Variants in CSTL1 observed in about 807,000 individuals in gnomAD.
CSTL1 encodes the protein cystatin-like 1.
CSTL1 carries 14 observed loss-of-function variants against 14.4 expected under a neutral mutation model. That is an observed-to-expected ratio of 0.97 (90% CI 0.64 to 1.52). The LOEUF (loss-of-function observed/expected upper bound fraction) is 1.52, where lower values mean the gene tolerates loss of function less well. CSTL1 is among the 40% of genes most tolerant of loss of function. The pLI is 0.00. For missense variants in CSTL1, 170 were observed against 168.7 expected (o/e 1.01, Z -0.04); for synonymous variants, 72 against 67.5 (o/e 1.07, Z -0.33).
At chr20:23,442,011 T>C (rs967717603) in intron 2 of CSTL1, among the ~76,000 whole-genome samples, 2 of 152,258 alleles carry the variant, frequency 1.3e-5, no homozygotes, top group East Asian at 1.9e-4. Context: ...TACCACAAGA[T>C]GGCGATGTTG....
chr20:23,449,012 G>A (rs1987020078), downstream of CSTL1, among the ~76,000 whole-genome samples: 1 of 152,184 alleles, frequency 6.6e-6, no homozygotes, highest in Admixed American at 6.5e-5. Context: ...CTGAAACAGG[G>A]TTCTGGGCAT....
rs370062495 is a variant in CSTL1 at position 23,444,911 on chromosome 20, T to C, written c.*33T>C. ...TATGATTGAGTTGTGCACTGGCTGT[T>C]ATTAAACTGTAAAGGATCATGTCTC... On this transcript the variant is annotated 3_prime_UTR_variant, in exon 4 of 4. Transcript: ENST00000347397. 45 of 1,383,758 alleles carry C rather than the reference T, an allele frequency of 3.3e-5. No homozygotes were observed. In the African/African-American group the frequency reaches 6.1e-4, roughly 19 times the overall value. The allele number at this position is 1,383,758 out of a possible 1,614,324, so 85.7% of individuals were successfully genotyped here. A position where few individuals can be genotyped will look rare whatever the true frequency, so the allele number is the denominator to read the frequency against.
the CSTL1 span, chr20:23,450,627 C>A: frequency 6.6e-7 from 1 of 1,524,418 alleles, no homozygotes. Context: ...TAAAAGACGC[C>A]AGGTGAAATT....
chr20:23,455,202 TGTATA>T, the CSTL1 span, among the ~76,000 whole-genome samples: 3 of 151,966 alleles, frequency 2.0e-5, no homozygotes, highest in East Asian at 5.8e-4. Context: ...TCCCAACTCT[TGTATA>T]GTAAAGTTTA....
At chr20:23,440,548 G>C in intron 2 of CSTL1, 62 bp downstream of exon 2, 1 of 1,273,342 alleles carries the variant, frequency 7.9e-7, no homozygotes, top group Non-Finnish European at 1.1e-6. Flanking sequence ...AGACATGTGA[G>C]GATTCTGGGG....
chr20:23,452,089 A>T, the CSTL1 span, among the ~76,000 whole-genome samples: 3 of 152,198 alleles, frequency 2.0e-5, no homozygotes, highest in African/African-American at 4.8e-5. Flanking sequence ...TTGTCATTCC[A>T]AGAGAATTAA....
chr20:23,454,338 T>A, the CSTL1 span, among the ~76,000 whole-genome samples: 3 of 127,486 alleles, frequency 2.4e-5, no homozygotes, highest in Non-Finnish European at 5.0e-5. Context: ...ACACACAACA[T>A]ACACACACAC....
chr20:23,447,180 T>C (rs1356604652), downstream of CSTL1, among the ~76,000 whole-genome samples: 1 of 152,246 alleles, frequency 6.6e-6, no homozygotes, highest in African/African-American at 2.4e-5. Flanking sequence ...TCTAACATCC[T>C]AACTTAACAC....
intron 2 of CSTL1, chr20:23,440,900 GTA>G: frequency 6.5e-6 from 2 of 309,066 alleles, no homozygotes; most frequent in Non-Finnish European, 6.3e-6. Context: ...GAGATTACAG[GTA>G]CGTACCACCA....
the CSTL1 span, chr20:23,452,478 A>T: frequency 1.3e-6 from 1 of 768,840 alleles, no homozygotes; most frequent in East Asian, 2.4e-5. Context: ...GCTCACATCA[A>T]GCTAAGCAAG....
the CSTL1 span, chr20:23,450,511 C>A: frequency 1.2e-6 from 2 of 1,610,104 alleles, no homozygotes; most frequent in Non-Finnish European, 8.5e-7. Context: ...GACACCTAGT[C>A]ACTGCTGCAG....
the CSTL1 span, chr20:23,452,697 C>T: frequency 6.2e-6 from 10 of 1,613,964 alleles, no homozygotes; most frequent in East Asian, 1.8e-4. Flanking sequence ...TTTTCTACTG[C>T]CATCACTTCA....
chr20:23,454,393 C>T, the CSTL1 span, among the ~76,000 whole-genome samples: 3 of 151,964 alleles, frequency 2.0e-5, no homozygotes, highest in South Asian at 6.3e-4. Flanking sequence ...ACACACAACA[C>T]ACATAGACAC....
the CSTL1 span, chr20:23,451,774 G>T: frequency 1.4e-6 from 2 of 1,438,594 alleles, no homozygotes; most frequent in South Asian, 1.2e-5. Flanking sequence ...AAACCTCACT[G>T]AAAAGGACTT....
chr20:23,443,237 C>T (rs1986880207), intron 2 of CSTL1, among the ~76,000 whole-genome samples: 1 of 152,176 alleles, frequency 6.6e-6, no homozygotes, highest in Non-Finnish European at 1.5e-5. Flanking sequence ...ACTGAATCTG[C>T]TTCAAAGTAA....
the CSTL1 span, chr20:23,452,546 T>C: frequency 1.1e-5 from 15 of 1,321,924 alleles, no homozygotes; most frequent in Non-Finnish European, 1.5e-5. Context: ...GATGTGGGCG[T>C]ATCAGGCCTG....
At chr20:23,449,408 GTATGTGTGTGTGTA>G (rs918849122), downstream of CSTL1, among the ~76,000 whole-genome samples, 17 of 152,094 alleles carry the variant, frequency 1.1e-4, no homozygotes, top group Non-Finnish European at 2.1e-4. Flanking sequence ...GTGTGTGTGT[GTATGTGTGTGTGTA>G]TATGTGTGTG....
chr20:23,445,584 TC>T (rs566946786), downstream of CSTL1, among the ~76,000 whole-genome samples: 10 of 152,280 alleles, frequency 6.6e-5, no homozygotes, highest in African/African-American at 2.4e-4. Flanking sequence ...AACAGAATGT[TC>T]ATAATCATTG....
chr20:23,455,116 T>C, the CSTL1 span, among the ~76,000 whole-genome samples: 1 of 152,156 alleles, frequency 6.6e-6, no homozygotes, highest in Non-Finnish European at 1.5e-5. Flanking sequence ...GCTCTGAGGA[T>C]GGGAGAGAAA....
Sources: gnomAD v4.1 joint callset for allele counts (sites outside exome capture counted in the v4.1 genomes callset) on GRCh38, gnomAD v4.1.1 for gene constraint, MANE v1.5 for transcripts, NCBI Gene and HGNC (gene_info 2026-07-23, HGNC 2026-07-21) for gene names.